The following AOPEP variants were observed in gnomAD, a reference collection of about 807,000 sequenced individuals.
AOPEP encodes aminopeptidase O.
A neutral mutation model predicts 98.1 loss-of-function variants in AOPEP; 77 were observed. The observed-to-expected ratio is 0.78, with a 90% CI of 0.65 to 0.95. AOPEP has a LOEUF of 0.95. AOPEP is among the 40% of genes least tolerant of loss of function. The pLI, the probability that AOPEP is intolerant of heterozygous loss-of-function variation, is 0.00. For synonymous variants in AOPEP, 346 were observed against 365.3 expected, an observed-to-expected ratio of 0.95 and a Z score of 0.60; for missense variants, 1,024 against 1,024.7, an observed-to-expected ratio of 1.00 and a Z score of 0.01.
intron 3 of AOPEP, among the ~76,000 whole-genome samples, chr9:94,778,107 A>C (rs1048429433): frequency 1.3e-5 from 2 of 152,242 alleles, no homozygotes; most frequent in Non-Finnish European, 2.9e-5. Context: ...AGTATTTTAC[A>C]CCTAGTTAGA....
At chr9:95,102,442 C>T in the AOPEP span, among the ~76,000 whole-genome samples, 5 of 152,030 alleles carry the variant, frequency 3.3e-5, no homozygotes, top group East Asian at 3.9e-4. Flanking sequence ...CTAAAAACTT[C>T]GGTTAAGAAA....
intron 14 of AOPEP, among the ~76,000 whole-genome samples, chr9:95,078,775 A>G (rs2069373612): frequency 6.6e-6 from 1 of 152,200 alleles, no homozygotes; most frequent in Non-Finnish European, 1.5e-5. Context: ...GTTTGGTGGC[A>G]CATTTAGGTG....
intron 5 of AOPEP, among the ~76,000 whole-genome samples, chr9:94,863,960 C>T (rs1033598525): frequency 4.6e-4 from 70 of 152,150 alleles, no homozygotes; most frequent in African/African-American, 1.6e-3. Context: ...TTGGAGAATA[C>T]AGGCTTCATT....
chr9:95,101,243 G>C, the AOPEP span: 9 of 288,670 alleles, frequency 3.1e-5, no homozygotes, highest in African/African-American at 1.7e-4. Flanking sequence ...CAGCAAGACA[G>C]TGTGGCTTTA....
At chr9:95,126,408 G>A in the AOPEP span, 3 of 971,194 alleles carry the variant, frequency 3.1e-6, no homozygotes, top group Non-Finnish European at 3.2e-6. Context: ...GGAACAGGAG[G>A]GAATCAGAAA....
intron 13 of AOPEP, among the ~76,000 whole-genome samples, chr9:95,054,678 A>T (rs1161378571): frequency 6.6e-6 from 1 of 152,212 alleles, no homozygotes; most frequent in Non-Finnish European, 1.5e-5. Context: ...AGTTTGTAGT[A>T]ATCTTTTTGA....
At chr9:94,963,644 A>T (rs947662385) in intron 9 of AOPEP, among the ~76,000 whole-genome samples, 2 of 152,122 alleles carry the variant, frequency 1.3e-5, no homozygotes, top group African/African-American at 4.8e-5. Context: ...ATTTGTTTTC[A>T]GGCACACTGC....
At chr9:94,766,172 A>G (rs1196404030) in intron 2 of AOPEP, among the ~76,000 whole-genome samples, 2 of 152,200 alleles carry the variant, frequency 1.3e-5, no homozygotes, top group Non-Finnish European at 2.9e-5. Flanking sequence ...CTTTATTCAA[A>G]GTTGATGTGT....
chr9:95,139,642 G>A, the AOPEP span, among the ~76,000 whole-genome samples: 1 of 151,812 alleles, frequency 6.6e-6, no homozygotes, highest in Non-Finnish European at 1.5e-5. Flanking sequence ...GCTCTGGAGT[G>A]ATGTGGCTAT....
In AOPEP at chr9:95,084,392, G is replaced by A. The variant is rs117228029; in HGVS notation, c.*4+1673G>A. 5.5e-3 allele frequency among the ~76,000 whole-genome samples: 834 copies of A among 152,326 alleles called. 5 individuals carry two copies. The highest frequency in any genetic ancestry group is 8.8e-3 in the Non-Finnish European group (600 of 68,026). On this transcript the variant is annotated intron_variant, in intron 16 of 16. Coordinates refer to ENST00000375315, the MANE Select transcript of AOPEP (RefSeq NM_001193329.3). ...ACCATGTGTGCCAGGAAAGGGAAAC[G>A]GGACTGAGCGTCTCGTAGCGAAACG...
rs2060095838 is a variant in AOPEP, at chr9:94,980,184, C to T, written c.1977+757C>T. Among the ~76,000 whole-genome samples, 1 of 152,234 alleles carries T rather than the reference C, an allele frequency of 6.6e-6. No individual in the cohort carries two copies. On this transcript the variant is annotated intron_variant, in intron 11 of 16. Coordinates refer to ENST00000375315, the MANE Select transcript of AOPEP (RefSeq NM_001193329.3). The surrounding 1 kb of genome is among the most constrained non-coding windows in gnomAD (Gnocchi z 4.3). ...CCCAGAGACCATTGGACAGCCCAGGCCCCTTCGCCAAATCAAATGCTGGCC... is the reference window on the plus strand; with the variant it reads ...CCCAGAGACCATTGGACAGCCCAGGTCCCTTCGCCAAATCAAATGCTGGCC...
At chr9:94,926,741 A>C (rs889015828) in intron 6 of AOPEP, among the ~76,000 whole-genome samples, 9 of 145,902 alleles carry the variant, frequency 6.2e-5, no homozygotes, top group Non-Finnish European at 1.1e-4. Context: ...CACCGGGGTC[A>C]CTTTGCTGCC....
intron 10 of AOPEP, among the ~76,000 whole-genome samples, chr9:94,979,066 T>A (rs1449502853): frequency 6.6e-6 from 1 of 152,186 alleles, no homozygotes; most frequent in African/African-American, 2.4e-5. Context: ...TGAATATGCC[T>A]TATCCTCCCG....
At chr9:94,790,962 G>A (rs1483413261) in intron 3 of AOPEP, among the ~76,000 whole-genome samples, 1 of 152,010 alleles carries the variant, frequency 6.6e-6, no homozygotes, top group Non-Finnish European at 1.5e-5. Flanking sequence ...TCCTGTAAAG[G>A]AGTTTGTGAA....
At chr9:94,731,790 C>CTTTTTTTTTTTTTTTTTT (rs564831468) in intron 1 of AOPEP, among the ~76,000 whole-genome samples, 1 of 86,290 alleles carries the variant, frequency 1.2e-5, no homozygotes, top group Non-Finnish European at 2.1e-5. Context: ...TCTCTTTTGC[C>CTTTTTTTTTTTTTTTTTT]TTTTTTTTTT....
At chr9:95,025,619 AT>A (rs1307772744) in intron 13 of AOPEP, among the ~76,000 whole-genome samples, 3 of 152,216 alleles carry the variant, frequency 2.0e-5, no homozygotes, top group Non-Finnish European at 4.4e-5. Context: ...CCACATTGGT[AT>A]TTTCGTTTTG....
At chr9:95,102,877 C>CG in the AOPEP span, among the ~76,000 whole-genome samples, 1 of 152,230 alleles carries the variant, frequency 6.6e-6, no homozygotes, top group South Asian at 2.1e-4. Context: ...CTCGGCCCCC[C>CG]CTGGCAGCAC....
chr9:95,092,288 T>A, the AOPEP span, among the ~76,000 whole-genome samples: 2 of 152,094 alleles, frequency 1.3e-5, no homozygotes, highest in Admixed American at 6.5e-5. Context: ...GGGGAGCTGC[T>A]GTAAAGACCA....
chr9:94,825,665 T>A (rs1365182240), intron 5 of AOPEP, among the ~76,000 whole-genome samples: 1 of 152,228 alleles, frequency 6.6e-6, no homozygotes, highest in Non-Finnish European at 1.5e-5. Context: ...TTTCCTCATT[T>A]GGTAATTGGA....
Sources: allele counts gnomAD v4.1 joint callset (sites outside exome capture counted in the v4.1 genomes callset), GRCh38; gene constraint gnomAD v4.1.1; non-coding constraint Gnocchi (gnomAD v3.1); transcripts MANE v1.5; gene names NCBI Gene and HGNC (gene_info 2026-07-23, HGNC 2026-07-21).